Variants in MAMDC4 observed in about 807,000 individuals in gnomAD.
MAMDC4 encodes apical endosomal glycoprotein.
In MAMDC4, 168 loss-of-function variants were observed where a neutral mutation model predicts 153.3. The observed-to-expected ratio is 1.10, with a 90% CI of 0.97 to 1.25. MAMDC4 has a LOEUF of 1.25. Among genes scored for constraint, MAMDC4 ranks in the 50% most tolerant of loss-of-function variants. MAMDC4 has a pLI of 0.00. For missense variants in MAMDC4, 1,701 were observed against 1,542.8 expected, an observed-to-expected ratio of 1.10 and a Z score of -1.72; for synonymous variants, 744 against 651.5, an observed-to-expected ratio of 1.14 and a Z score of -2.16.
chr9:136,859,705 A>G (rs1849058544), intron 25 of MAMDC4, 181 bp from the exon 26 acceptor site: 1 of 638,594 alleles, frequency 1.6e-6, no homozygotes, highest in Admixed American at 2.9e-5. Flanking sequence ...GTCTGCAGAC[A>G]GCAGCTGCCT....
intron 14 of MAMDC4, 175 bp downstream of exon 14, chr9:136,856,324 T>C: frequency 9.2e-7 from 1 of 1,081,674 alleles, no homozygotes; most frequent in East Asian, 2.4e-5. Flanking sequence ...TGAGCAGCAG[T>C]GCAGGCATCT....
rs1020902382 is a variant in MAMDC4 at position 136,860,462 on chromosome 9, A to G, written c.3373-100A>G. On this transcript the variant is annotated intron_variant, in intron 26 of 26. Coordinates refer to ENST00000317446, the MANE Select transcript of MAMDC4 (RefSeq NM_206920.3). ...CTTGAACCAGGGAGGCAGGGGTTGC[A>G]GTGAGCGAAGATCGTGCCATTGCAC... 4 of 1,261,448 alleles carry G rather than the reference A, an allele frequency of 3.2e-6. No homozygotes were observed. The African/African-American group carries it at 6.0e-5, about 19-fold the overall frequency. The allele number at this position is 1,261,448 out of a possible 1,614,324, so 78.1% of individuals were successfully genotyped here.
chr9:136,853,507 G>T (rs1050737855), intron 3 of MAMDC4, 38 bp from the exon 4 acceptor site: 2 of 1,612,200 alleles, frequency 1.2e-6, no homozygotes, highest in African/African-American at 1.3e-5. Context: ...TACCCTCCTT[G>T]CTCCCTGCCC....
chr9:136,853,299 T>G lies in MAMDC4; in HGVS notation c.169T>G (p.Ser57Ala), dbSNP rs1848953646. The change falls in exon 3 of 27, where the codon TCG becomes GCG. Residue 57 changes from serine (S) to alanine (A), a missense_variant. Ser to Ala is a moderately conservative substitution (Grantham distance 99, BLOSUM62 1). Coordinates refer to ENST00000317446, the MANE Select transcript of MAMDC4 (RefSeq NM_206920.3). ...CACTCTCCCAGGTTACCACGGGGCC[T>G]CGCCCACCCTGGGCGCCCCCTTCGC... is the stretch of plus-strand genomic sequence containing the variant. ...DEAQCGYHGA[S>A]PTLGAPFACD... The G allele has an allele frequency of 6.2e-7, 1 of 1,602,270 alleles. No individual in the cohort carries two copies. Among genetic ancestry groups the G allele is most frequent in the South Asian group, 1.1e-5 (1 of 90,450 alleles).
Position 136,857,566 on chromosome 9 carries a change from A to G in MAMDC4, c.2306A>G (p.His769Arg). ...GHAAWGPPTD[H>R]TTETAQGHYM... ...GCTGCCTGGGGCCCCCCAACAGACC[A>G]TACCACTGAGACAGCCCAAGGTATG... The change falls in exon 18 of 27, where the codon CAT becomes CGT. Residue 769 changes from histidine to arginine, a missense_variant. Physicochemically the swap from His to Arg is conservative, Grantham distance 29. Transcript: ENST00000317446. 1.2e-6 allele frequency: 2 copies of G among 1,612,378 alleles called. No individual in the cohort carries two copies.
rs751153438 is a variant in MAMDC4, at chr9:136,858,535, GCA to G, written c.2813_2814del (p.Thr938ArgfsTer9). The G allele has an allele frequency of 1.3e-6, 2 of 1,582,716 alleles. No homozygotes were observed. Among genetic ancestry groups the G allele is most frequent in the East Asian group, 4.6e-5 (2 of 43,888 alleles). Reference sequence around the variant, plus strand: ...CAGCCCCCTGTGGACCACACCCTGGGCACAGAGGCAGGTACGTGCCCACTGGA... The same window carrying G: ...CAGCCCCCTGTGGACCACACCCTGGGCAGAGGCAGGTACGTGCCCACTGGA... On this transcript the variant is annotated frameshift_variant, in exon 22 of 27. Transcript: ENST00000317446. LOFTEE classifies it high-confidence loss of function.
Position 136,853,158 on chromosome 9 carries a change from G to A in MAMDC4, c.103G>A (p.Val35Met), listed in dbSNP as rs146504383. 231 of 1,612,704 alleles carry A rather than the reference G, an allele frequency of 1.4e-4. No individual in the cohort carries two copies. Among genetic ancestry groups the A allele is most frequent in the Non-Finnish European group, 1.8e-4 (217 of 1,179,984 alleles). Residue 35 changes from valine (V) to methionine (M), a missense_variant, in exon 2 of 27, where the codon GTG becomes ATG. By Grantham distance (21) the Val-to-Met change is conservative (BLOSUM62 1). Transcript: ENST00000317446. ...PNHCRSPGQA[V>M]CNFVCDCRDC... ...CCACTGCAGGAGCCCTGGCCAGGCC[G>A]TGTGCAACTTCGTGTGTGACTGCAG... is the stretch of plus-strand genomic sequence containing the variant.
rs141381082 is a variant in MAMDC4 at position 136,853,153 on chromosome 9, A to T, written c.98A>T (p.Gln33Leu). The T allele has an allele frequency of 6.2e-7, 1 of 1,612,682 alleles. No homozygotes were observed. Among genetic ancestry groups the T allele is most frequent in the Non-Finnish European group, 8.5e-7 (1 of 1,179,972 alleles). The change falls in exon 2 of 27, where the codon CAG becomes CTG. Residue 33 changes from glutamine to leucine, a missense_variant. Coordinates refer to ENST00000317446, the MANE Select transcript of MAMDC4 (RefSeq NM_206920.3). ...WVPNHCRSPGQAVCNFVCDCR... is the reference protein window; with the variant it reads ...WVPNHCRSPGLAVCNFVCDCR... ...CCCAACCACTGCAGGAGCCCTGGCCAGGCCGTGTGCAACTTCGTGTGTGAC... is the reference window on the plus strand; with the variant it reads ...CCCAACCACTGCAGGAGCCCTGGCCTGGCCGTGTGCAACTTCGTGTGTGAC...
In MAMDC4 at chr9:136,856,756, C is replaced by T. The variant is rs780952402; in HGVS notation, c.1767C>T (p.Gly589=). The change falls in exon 15 of 27, where the codon GGC becomes GGT. Residue 589 remains glycine, a synonymous_variant. Transcript: ENST00000317446. The part of the protein sequence containing the change: ...FERDTCSWYP[G]HLSDTHWRWV... ...GGGACACATGCAGCTGGTACCCAGG[C>T]CACCTCTCAGACACACACTGGCGCT... 1.2e-6 allele frequency: 2 copies of T among 1,612,390 alleles called. No individual in the cohort carries two copies. Among genetic ancestry groups the T allele is most frequent in the East Asian group, 4.5e-5 (2 of 44,844 alleles).
rs770229647 is a variant in MAMDC4, at chr9:136,856,100, C to T, written c.1671C>T (p.Gly557=). ...TCACACCCCTCCTTGGCCCTTCTGG[C>T]CCCAGCTGTGAACTCCACCTGGCTT... ...RVLTPLLGPS[G]PSCELHLAYY... is the part of the protein sequence containing the mutation. The change falls in exon 14 of 27, where the codon GGC becomes GGT. Residue 557 remains glycine (G), a synonymous_variant. Coordinates refer to ENST00000317446, the MANE Select transcript of MAMDC4 (RefSeq NM_206920.3). The T allele has an allele frequency of 3.1e-6, 5 of 1,612,438 alleles. No individual in the cohort carries two copies. The highest frequency in any genetic ancestry group is 4.5e-5 in the East Asian group (2 of 44,876).
intron 8 of MAMDC4, 32 bp from the exon 9 acceptor site, chr9:136,854,730 T>G: frequency 6.2e-7 from 1 of 1,612,498 alleles, no homozygotes; most frequent in Non-Finnish European, 8.5e-7. Context: ...CACAGCCCAG[T>G]GGCCCTGGCC....
chr9:136,854,656 A>G lies in MAMDC4; in HGVS notation c.914A>G (p.His305Arg), dbSNP rs956680752. 4.9e-5 allele frequency: 79 copies of G among 1,610,340 alleles called. No individual in the cohort carries two copies. Among genetic ancestry groups the G allele is most frequent in the Non-Finnish European group, 6.4e-5 (75 of 1,179,056 alleles). ...PERPSWPRRD[H>R]SRNSAQGSFL... ...CGCCCCTCCTGGCCACGCCGTGACCACAGCCGGAACAGTGCACAGGGTGAG... is the reference window on the plus strand; with the variant it reads ...CGCCCCTCCTGGCCACGCCGTGACCGCAGCCGGAACAGTGCACAGGGTGAG... The change falls in exon 8 of 27, where the codon CAC becomes CGC. Residue 305 changes from histidine to arginine, a missense_variant. By Grantham distance (29) the His-to-Arg change is conservative (BLOSUM62 0). Transcript: ENST00000317446.
At chr9:136,858,332 C>T (rs1849037643) in intron 21 of MAMDC4, 56 bp downstream of exon 21, 3 of 1,600,232 alleles carry the variant, frequency 1.9e-6, no homozygotes, top group Non-Finnish European at 2.5e-6. Flanking sequence ...TAGCCCTTTC[C>T]CTTCGTAGTC....
Position 136,855,742 on chromosome 9 carries a change from C to A in MAMDC4, c.1482C>A (p.Asp494Glu). The change falls in exon 13 of 27, where the codon GAC becomes GAA. Residue 494 changes from aspartate (D) to glutamate (E), a missense_variant. Transcript: ENST00000317446. Reference protein sequence around the residue: ...GEDEQACGTTDFESPEAGGWE... With the variant: ...GEDEQACGTTEFESPEAGGWE... The stretch of plus-strand genomic sequence containing the variant: ...CGGCTGCTGTTCCAGGCACCACAGA[C>A]TTTGAGTCCCCCGAGGCTGGGGGCT... The A allele has an allele frequency of 6.4e-7, 1 of 1,574,390 alleles. No individual in the cohort carries two copies. Among genetic ancestry groups the A allele is most frequent in the Non-Finnish European group, 8.6e-7 (1 of 1,161,046 alleles).
In MAMDC4 at chr9:136,856,155, G is replaced by A. The variant is rs373312866; in HGVS notation, c.1720+6G>A. 72 of 1,611,542 alleles carry A rather than the reference G, an allele frequency of 4.5e-5. No individual in the cohort carries two copies. Among genetic ancestry groups the A allele is most frequent in the Middle Eastern group, 1.6e-4 (1 of 6,080 alleles). ...TTTACAGAGCCAGCCCCGAGGTACC[G>A]CCACACTCCGCAAGTTCCCTGGCCA... On this transcript the variant is annotated splice_donor_region_variant and intron_variant, in intron 14 of 26. Transcript: ENST00000317446.
intron 26 of MAMDC4, 92 bp downstream of exon 26, chr9:136,860,156 G>A: frequency 7.2e-7 from 1 of 1,385,516 alleles, no homozygotes; most frequent in Non-Finnish European, 9.7e-7. Context: ...CCCCCGGGGA[G>A]GAGCCCCCAC....
chr9:136,857,376 G>C lies in MAMDC4; in HGVS notation c.2116G>C (p.Glu706Gln), dbSNP rs202125253. ...CACCCTCCACCCCCAGCTGCTGTTC[G>C]AGGGCCTCCGGGACGGATACCACGG... ...GSHAQYQLLFEGLRDGYHGTM... is the reference protein window; with the variant it reads ...GSHAQYQLLFQGLRDGYHGTM... Residue 706 changes from glutamate (E) to glutamine (Q), a missense_variant, in exon 18 of 27, where the codon GAG becomes CAG. Coordinates refer to ENST00000317446, the MANE Select transcript of MAMDC4 (RefSeq NM_206920.3). The C allele has an allele frequency of 6.2e-7, 1 of 1,608,136 alleles. No individual in the cohort carries two copies. Among genetic ancestry groups the C allele is most frequent in the Non-Finnish European group, 8.5e-7 (1 of 1,179,792 alleles).
chr9:136,852,594 C>A, intron 1 of MAMDC4, 132 bp downstream of exon 1: 1 of 1,168,878 alleles, frequency 8.6e-7, no homozygotes, highest in South Asian at 1.3e-5. Flanking sequence ...AAGGTACTAC[C>A]TTGGCCGGCC....
chr9:136,858,661 C>A (rs1267498796), intron 22 of MAMDC4, 58 bp from the exon 23 acceptor site: 2 of 1,603,952 alleles, frequency 1.2e-6, no homozygotes, highest in African/African-American at 1.3e-5. Context: ...AGCCTCTGCT[C>A]GGGCCCTGAG....
Sources: allele counts gnomAD v4.1 joint callset, GRCh38; gene constraint gnomAD v4.1.1; transcripts MANE v1.5; gene names NCBI Gene and HGNC (gene_info 2026-07-23, HGNC 2026-07-21).